The following TRIM27 variants were observed in gnomAD, a reference collection of about 807,000 sequenced individuals.
TRIM27 encodes tripartite motif containing 27.
In TRIM27, 12 loss-of-function variants were observed where a neutral mutation model predicts 57.6. The observed-to-expected ratio is 0.21, with a 90% CI of 0.13 to 0.34. TRIM27 has a LOEUF of 0.34. TRIM27 is among the 10% of genes least tolerant of loss of function. The pLI is 1.00. For missense variants in TRIM27, 403 were observed against 656.8 expected, an observed-to-expected ratio of 0.61 and a Z score of 4.22; for synonymous variants, 266 against 259.0, an observed-to-expected ratio of 1.03 and a Z score of -0.26.
At chr6:28,919,535 C>A (rs1225703495) in intron 3 of TRIM27, among the ~76,000 whole-genome samples, 1 of 152,196 alleles carries the variant, frequency 6.6e-6, no homozygotes, top group African/African-American at 2.4e-5. Context: ...GCTTTATCAC[C>A]TGCTCTACCA....
At position 28,920,163 on chromosome 6, in the gene TRIM27, C is replaced by T. The variant is rs746324365; in HGVS notation, c.596G>A (p.Arg199His). The T allele has an allele frequency of 1.2e-6, 2 of 1,614,024 alleles. No individual in the cohort carries two copies. The highest frequency in any genetic ancestry group is 1.3e-5 in the African/African-American group (1 of 74,908). ...TAGCTCCTCAAGGCGGGCCAGGAGG[C>T]GATACTCATGCTCCTTTAAGGAGTG... ...LYHSLKEHEY[R>H]LLARLEELDL... The change falls in exon 3 of 8, where the codon CGC becomes CAC. Residue 199 changes from arginine (R) to histidine (H), a missense_variant. Physicochemically the swap from Arg to His is conservative, Grantham distance 29 (BLOSUM62 0). Transcript: ENST00000377199.
At chr6:28,918,222 CTA>C (rs1250319022) in intron 3 of TRIM27, among the ~76,000 whole-genome samples, 1 of 152,184 alleles carries the variant, frequency 6.6e-6, no homozygotes, top group African/African-American at 2.4e-5. Context: ...TGTCTAACTT[CTA>C]GTTTCTTTAA....
chr6:28,923,207 C>G lies in TRIM27; in HGVS notation c.420+6G>C, dbSNP rs1055931669. The stretch of plus-strand genomic sequence containing the variant: ...CGCTCCCGCCCTCCCGGATCCGCGC[C>G]CTCACCTTGAAGCCCTCCACCGCCT... On this transcript the variant is annotated splice_donor_region_variant and intron_variant, in intron 1 of 7. Coordinates refer to ENST00000377199, the MANE Select transcript of TRIM27 (RefSeq NM_006510.5). 1.8e-5 allele frequency: 28 copies of G among 1,556,276 alleles called. No individual in the cohort carries two copies. Among genetic ancestry groups the G allele is most frequent in the Non-Finnish European group, 2.4e-5 (28 of 1,147,070 alleles).
At chr6:28,905,657 C>A in intron 7 of TRIM27, 1 of 152,588 alleles carries the variant, frequency 6.6e-6, no homozygotes, top group South Asian at 2.0e-4. Context: ...TTCAGCCTTC[C>A]AAAGTGTTAG....
chr6:28,912,202 C>T (rs1773259714), intron 3 of TRIM27, among the ~76,000 whole-genome samples: 1 of 151,842 alleles, frequency 6.6e-6, no homozygotes, highest in South Asian at 2.1e-4. Context: ...CTCTGCCACC[C>T]GGGTTCGAGC....
chr6:28,910,687 C>A (rs899852514), intron 4 of TRIM27, among the ~76,000 whole-genome samples: 4 of 152,070 alleles, frequency 2.6e-5, no homozygotes, highest in South Asian at 2.1e-4. Context: ...GGTTTCCTAT[C>A]TTATATAGCC....
At chr6:28,922,845 C>T (rs1048025339) in intron 1 of TRIM27, among the ~76,000 whole-genome samples, 13 of 152,184 alleles carry the variant, frequency 8.5e-5, no homozygotes, top group Non-Finnish European at 1.2e-4. Flanking sequence ...AGTTAACGTC[C>T]AACTGCGTTT....
chr6:28,920,972 A>G (rs1362350126), intron 2 of TRIM27, among the ~76,000 whole-genome samples: 1 of 152,042 alleles, frequency 6.6e-6, no homozygotes, highest in African/African-American at 2.4e-5. Flanking sequence ...GGAGGGGGAG[A>G]GGTGCTCTCC....
Position 28,904,031 on chromosome 6 carries a change from G to A in TRIM27, c.*39C>T. 1 of 1,552,876 alleles carries A rather than the reference G, an allele frequency of 6.4e-7. No individual in the cohort carries two copies. Among genetic ancestry groups the A allele is most frequent in the Non-Finnish European group, 8.8e-7 (1 of 1,133,688 alleles). On this transcript the variant is annotated 3_prime_UTR_variant, in exon 8 of 8. Transcript: ENST00000377199. The surrounding 1 kb of genome is among the most constrained non-coding windows in gnomAD (Gnocchi z 6.1). ...ACAAGATGCCTTGTGCCTGGCGTAG[G>A]ATTACAGCCAACAGCCCTTTTGGCC... is the stretch of plus-strand genomic sequence containing the variant.
Position 28,923,267 on chromosome 6 carries a change from G to A in TRIM27, c.366C>T (p.Arg122=), listed in dbSNP as rs566156701. ...MPICVVCDRS[R]EHRGHSVLPL... is the part of the protein sequence containing the mutation. Reference sequence around the variant, plus strand: ...GCAGCACGCTGTGGCCGCGGTGCTCGCGGGAGCGGTCGCACACCACGCAGA... The same window carrying A: ...GCAGCACGCTGTGGCCGCGGTGCTCACGGGAGCGGTCGCACACCACGCAGA... The change falls in exon 1 of 8, where the codon CGC becomes CGT. Residue 122 remains arginine, a synonymous_variant. Coordinates refer to ENST00000377199, the MANE Select transcript of TRIM27 (RefSeq NM_006510.5). 1 of 1,608,748 alleles carries A rather than the reference G, an allele frequency of 6.2e-7. No homozygotes were observed. The highest frequency in any genetic ancestry group is 1.7e-5 in the Admixed American group (1 of 59,750).
intron 4 of TRIM27, 68 bp downstream of exon 4, chr6:28,911,628 G>T: frequency 6.6e-7 from 1 of 1,526,468 alleles, no homozygotes; most frequent in Non-Finnish European, 9.0e-7. Flanking sequence ...CTCCTTTCAG[G>T]ATTTACAAAT....
At chr6:28,914,592 G>GA (rs1438504009) in intron 3 of TRIM27, among the ~76,000 whole-genome samples, 1 of 103,784 alleles carries the variant, frequency 9.6e-6, no homozygotes, top group Non-Finnish European at 1.9e-5. Flanking sequence ...GGGGGGGGGG[G>GA]GATGAGGGAT....
At chr6:28,912,309 C>T (rs1387353167) in intron 3 of TRIM27, among the ~76,000 whole-genome samples, 1 of 152,040 alleles carries the variant, frequency 6.6e-6, no homozygotes, top group Non-Finnish European at 1.5e-5. Flanking sequence ...AGCATTTTGC[C>T]ATGTTGGCCA....
rs762892632 is a variant in TRIM27 at position 28,904,439 on chromosome 6, T to G, written c.1173A>C (p.Ser391=). 6.2e-7 allele frequency: 1 copy of G among 1,613,092 alleles called. No homozygotes were observed. The highest frequency in any genetic ancestry group is 8.5e-7 in the Non-Finnish European group (1 of 1,180,038). ...AKWTIGVCED[S]VCRKGGVTSA... ...AGGTTACTCCACCTTTTCTGCACAC[T>G]GAGTCTTCACAGACACCTATGGTCC... Residue 391 remains serine, a synonymous_variant, in exon 8 of 8, where the codon TCA becomes TCC. Coordinates refer to ENST00000377199, the MANE Select transcript of TRIM27 (RefSeq NM_006510.5). The surrounding 1 kb of genome is among the most constrained non-coding windows in gnomAD (Gnocchi z 6.1).
At chr6:28,920,552 T>A (rs1401102399) in intron 2 of TRIM27, among the ~76,000 whole-genome samples, 2 of 152,120 alleles carry the variant, frequency 1.3e-5, no homozygotes, top group African/African-American at 4.8e-5. Context: ...ACTGGTACCA[T>A]CTTCACAGAA....
intron 4 of TRIM27, among the ~76,000 whole-genome samples, chr6:28,909,934 T>A (rs937565232): frequency 6.6e-6 from 1 of 152,116 alleles, no homozygotes; most frequent in Admixed American, 6.6e-5. Flanking sequence ...TTCTGGCCTA[T>A]GAGAAGTAAG....
intron 3 of TRIM27, among the ~76,000 whole-genome samples, chr6:28,916,570 T>C (rs1044699348): frequency 2.0e-5 from 3 of 150,226 alleles, no homozygotes; most frequent in Admixed American, 6.6e-5. Context: ...AAAAAAAGTA[T>C]GCTAAGTGAA....
In TRIM27 at chr6:28,904,383, G is replaced by A; in HGVS notation, c.1229C>T (p.Ser410Phe). The change falls in exon 8 of 8, where the codon TCT (serine) becomes TTT (phenylalanine). Residue 410 changes from serine (S) to phenylalanine (F), a missense_variant. Coordinates refer to ENST00000377199, the MANE Select transcript of TRIM27 (RefSeq NM_006510.5). The surrounding 1 kb of genome is among the most constrained non-coding windows in gnomAD (Gnocchi z 6.1). ...SAPQNGFWAV[S>F]LWYGKEYWAL... Reference sequence around the variant, plus strand: ...CCAATATTCTTTCCCATACCACAAAGACACTGCCCAGAATCCATTCTGGGG... The same window carrying A: ...CCAATATTCTTTCCCATACCACAAAAACACTGCCCAGAATCCATTCTGGGG... 1 of 1,613,016 alleles carries A rather than the reference G, an allele frequency of 6.2e-7. No individual in the cohort carries two copies. The highest frequency in any genetic ancestry group is 8.5e-7 in the Non-Finnish European group (1 of 1,180,018).
At position 28,911,738 on chromosome 6, in the gene TRIM27, A is replaced by T. The variant is rs747457119; in HGVS notation, c.748-20T>A. On this transcript the variant is annotated intron_variant, in intron 3 of 7. Coordinates refer to ENST00000377199, the MANE Select transcript of TRIM27 (RefSeq NM_006510.5). ...AATGTCCTGCAAGAGAAAGGAAAAA[A>T]AATAACCATGAGAAGTCATTTAAAA... 6.2e-7 allele frequency: 1 copy of T among 1,610,962 alleles called. No individual in the cohort carries two copies. The highest frequency in any genetic ancestry group is 1.1e-5 in the South Asian group (1 of 90,248).
Sources: allele counts gnomAD v4.1 joint callset (sites outside exome capture counted in the v4.1 genomes callset), GRCh38; gene constraint gnomAD v4.1.1; non-coding constraint Gnocchi (gnomAD v3.1); transcripts MANE v1.5; gene names NCBI Gene and HGNC (gene_info 2026-07-23, HGNC 2026-07-21).